BLTP3B: variants seen among roughly 807,000 people sequenced by gnomAD.
The protein encoded by BLTP3B is UHRF1 (ICBP90) binding protein 1-like.
chr12:100,116,807 T>C, the BLTP3B span, among the ~76,000 whole-genome samples: 1 of 152,204 alleles, frequency 6.6e-6, no homozygotes, highest in Admixed American at 6.5e-5. Flanking sequence ...AATTATTTTT[T>C]CCCAGATGAC....
chr12:100,059,418 T>C, the BLTP3B span: 2 of 1,614,100 alleles, frequency 1.2e-6, no homozygotes. Context: ...TAGGTCAGAA[T>C]GTCGACAGTT....
chr12:100,053,699 T>A, the BLTP3B span, among the ~76,000 whole-genome samples: 8 of 152,096 alleles, frequency 5.3e-5, no homozygotes, highest in African/African-American at 1.9e-4. Context: ...GGTAGTTACT[T>A]CTGCAGTGGG....
At chr12:100,087,639 G>T in the BLTP3B span, among the ~76,000 whole-genome samples, 1 of 152,196 alleles carries the variant, frequency 6.6e-6, no homozygotes, top group Non-Finnish European at 1.5e-5. Flanking sequence ...CATAAGTCAG[G>T]TTTTGCCACC....
At chr12:100,059,226 G>C in the BLTP3B span, 2 of 1,613,892 alleles carry the variant, frequency 1.2e-6, no homozygotes, top group Non-Finnish European at 1.7e-6. Context: ...AGTTTTAAGA[G>C]TGTTTTTATT....
the BLTP3B span, among the ~76,000 whole-genome samples, chr12:100,065,450 G>A: frequency 2.6e-5 from 4 of 152,108 alleles, no homozygotes; most frequent in Non-Finnish European, 5.9e-5. Context: ...TGAAGATATC[G>A]CTAAATTCTT....
At chr12:100,057,082 A>T in the BLTP3B span, among the ~76,000 whole-genome samples, 2 of 152,254 alleles carry the variant, frequency 1.3e-5, no homozygotes, top group Non-Finnish European at 2.9e-5. Flanking sequence ...CATATATGTG[A>T]AAGAATCCTA....
chr12:100,105,092 C>G, the BLTP3B span, among the ~76,000 whole-genome samples: 1 of 152,056 alleles, frequency 6.6e-6, no homozygotes, highest in African/African-American at 2.4e-5. Flanking sequence ...CAACACAATT[C>G]TTCTCAAAGT....
the BLTP3B span, among the ~76,000 whole-genome samples, chr12:100,125,432 C>A: frequency 1.3e-5 from 2 of 151,548 alleles, no homozygotes; most frequent in Non-Finnish European, 2.9e-5. Context: ...AGGAGGATTA[C>A]CTGAGGGCAA....
At chr12:100,067,823 A>G in the BLTP3B span, among the ~76,000 whole-genome samples, 1 of 152,258 alleles carries the variant, frequency 6.6e-6, no homozygotes, top group Admixed American at 6.5e-5. Context: ...TGTTAGTTAC[A>G]AAACACTGCT....
the BLTP3B span, among the ~76,000 whole-genome samples, chr12:100,138,338 T>C: frequency 6.6e-6 from 1 of 152,230 alleles, no homozygotes; most frequent in Non-Finnish European, 1.5e-5. Context: ...TTCTGATGTT[T>C]GCAGGCAAAA....
At chr12:100,142,313 C>T in the BLTP3B span, among the ~76,000 whole-genome samples, 1 of 152,218 alleles carries the variant, frequency 6.6e-6, no homozygotes, top group Non-Finnish European at 1.5e-5. Context: ...CCAGACGCCG[C>T]GCCGGGAGCG....
chr12:100,116,344 C>T, the BLTP3B span, among the ~76,000 whole-genome samples: 255 of 149,892 alleles, frequency 1.7e-3, 1 homozygote, highest in African/African-American at 5.8e-3. Context: ...GTCCAAGTTA[C>T]TCAGAAGGCT....
At chr12:100,125,577 G>C in the BLTP3B span, among the ~76,000 whole-genome samples, 134 of 152,252 alleles carry the variant, frequency 8.8e-4, no homozygotes, top group Non-Finnish European at 1.5e-3. Flanking sequence ...ACGCCTGGGA[G>C]GTCAAGGCTG....
the BLTP3B span, among the ~76,000 whole-genome samples, chr12:100,106,717 G>T: frequency 6.6e-6 from 1 of 152,030 alleles, no homozygotes; most frequent in Admixed American, 6.5e-5. Flanking sequence ...ATTCACTCAT[G>T]TAAACAAAAA....
chr12:100,081,637 A>G, the BLTP3B span, among the ~76,000 whole-genome samples: 6 of 152,148 alleles, frequency 3.9e-5, no homozygotes, highest in Admixed American at 2.6e-4. Flanking sequence ...CTCAATGTGT[A>G]GCTCCCACTT....
At chr12:100,048,267 A>C in the BLTP3B span, 1,499 of 1,458,820 alleles carry the variant, frequency 1.0e-3, 2 homozygotes, top group Non-Finnish European at 1.2e-3. Context: ...GCCATGTAGT[A>C]CATTAAAATA....
the BLTP3B span, chr12:100,086,199 TAAAAC>T: frequency 1.0e-6 from 1 of 956,840 alleles, no homozygotes; most frequent in Non-Finnish European, 1.5e-6. Context: ...AAAAGCAAGA[TAAAAC>T]TAAACTAAAT....
chr12:100,068,295 A>C, the BLTP3B span, among the ~76,000 whole-genome samples: 133 of 152,350 alleles, frequency 8.7e-4, 1 homozygote, highest in African/African-American at 3.0e-3. Flanking sequence ...GGCTAACCAT[A>C]TGTGGGAGAA....
chr12:100,072,900 T>G, the BLTP3B span: 2 of 1,406,724 alleles, frequency 1.4e-6, no homozygotes, highest in Non-Finnish European at 9.5e-7. Context: ...CTTTTAAAAC[T>G]ACTTACAAAA....
Sources: gnomAD v4.1 joint callset for allele counts (sites outside exome capture counted in the v4.1 genomes callset) on GRCh38, gnomAD v4.1.1 for gene constraint, MANE v1.5 for transcripts, NCBI Gene and HGNC (gene_info 2026-07-23, HGNC 2026-07-21) for gene names.